The following KCNK9 variants were observed in gnomAD, a reference collection of about 807,000 sequenced individuals.
KCNK9 encodes the protein potassium channel subfamily K member 9.
A neutral mutation model predicts 10.8 loss-of-function variants in KCNK9; 1 was observed. The observed-to-expected ratio is 0.09, with a 90% CI of 0.03 to 0.44. The LOEUF is 0.44. Among genes scored for constraint, KCNK9 ranks in the 20% least tolerant of loss-of-function variants. The pLI, the probability that KCNK9 is intolerant of heterozygous loss-of-function variation, is 0.97. For missense variants in KCNK9, 303 were observed against 515.0 expected (o/e 0.59, Z 3.98); for synonymous variants, 231 against 222.7 (o/e 1.04, Z -0.33).
intron 1 of KCNK9, among the ~76,000 whole-genome samples, chr8:139,644,969 C>T (rs1400932514): frequency 6.6e-6 from 1 of 152,218 alleles, no homozygotes; most frequent in East Asian, 1.9e-4. Flanking sequence ...CATGGGCTAG[C>T]CAACCAAGCC....
At chr8:139,628,444 A>G (rs924577610) in intron 1 of KCNK9, among the ~76,000 whole-genome samples, 1 of 152,176 alleles carries the variant, frequency 6.6e-6, no homozygotes, top group East Asian at 1.9e-4. Flanking sequence ...GGAGAACTTG[A>G]GCCCCAGGCC....
At chr8:139,638,974 T>C (rs1815417789) in intron 1 of KCNK9, among the ~76,000 whole-genome samples, 1 of 152,036 alleles carries the variant, frequency 6.6e-6, no homozygotes, top group Non-Finnish European at 1.5e-5. Flanking sequence ...CTCCAACTGA[T>C]CCCCATTCTC....
chr8:139,642,722 C>T (rs757576929), intron 1 of KCNK9, among the ~76,000 whole-genome samples: 19 of 152,238 alleles, frequency 1.2e-4, no homozygotes, highest in Non-Finnish European at 2.8e-4. Flanking sequence ...GATGGGCCCT[C>T]CAGCCCCCAC....
chr8:139,699,890 G>C (rs1157659258), intron 1 of KCNK9, among the ~76,000 whole-genome samples: 1 of 152,188 alleles, frequency 6.6e-6, no homozygotes, highest in Non-Finnish European at 1.5e-5. Flanking sequence ...CCCAGCCTTG[G>C]AGATTTGGGC....
chr8:139,641,989 G>GC (rs1815520155), intron 1 of KCNK9, among the ~76,000 whole-genome samples: 1 of 152,204 alleles, frequency 6.6e-6, no homozygotes, highest in Non-Finnish European at 1.5e-5. Flanking sequence ...AGGAAGAGGA[G>GC]CCAGCCAGCC....
chr8:139,688,957 A>C (rs1289909623), intron 1 of KCNK9, among the ~76,000 whole-genome samples: 2 of 151,958 alleles, frequency 1.3e-5, no homozygotes, highest in Admixed American at 6.6e-5. Context: ...AACCCCCAGG[A>C]CCTCTGGATG....
chr8:139,627,694 C>A (rs146092212), intron 1 of KCNK9, among the ~76,000 whole-genome samples: 2 of 152,252 alleles, frequency 1.3e-5, no homozygotes, highest in Non-Finnish European at 2.9e-5. Flanking sequence ...TAACACCCAA[C>A]CTGGAGTATA....
chr8:139,678,361 T>A (rs894252523), intron 1 of KCNK9, among the ~76,000 whole-genome samples: 3 of 152,138 alleles, frequency 2.0e-5, no homozygotes, highest in Non-Finnish European at 4.4e-5. Flanking sequence ...AGCCCTGAGG[T>A]CACTGTCCCT....
At chr8:139,701,407 G>A (rs1464225916) in intron 1 of KCNK9, among the ~76,000 whole-genome samples, 3 of 152,292 alleles carry the variant, frequency 2.0e-5, no homozygotes, top group East Asian at 3.9e-4. Context: ...CTGTGCTGGC[G>A]CTTCCTGTTG....
At chr8:139,651,889 C>T (rs1168425409) in intron 1 of KCNK9, among the ~76,000 whole-genome samples, 1 of 152,128 alleles carries the variant, frequency 6.6e-6, no homozygotes, top group East Asian at 1.9e-4. Context: ...GTCAGTATCT[C>T]CAGATCTGGA....
In KCNK9 at chr8:139,702,326, T is replaced by A. The variant is rs761975026; in HGVS notation, c.283+384A>T. ...CTCCAACTCCCAGAGAGGTAGTAAG[T>A]GTAAGGCTCAGAGCCCCGCGCAGCC... On this transcript the variant is annotated intron_variant, in intron 1 of 1. Transcript: ENST00000520439. The surrounding 1 kb of genome is among the most constrained non-coding windows in gnomAD (Gnocchi z 7.5). 6.6e-6 allele frequency among the ~76,000 whole-genome samples: 1 copy of A among 152,036 alleles called. No individual in the cohort carries two copies. The highest frequency in any genetic ancestry group is 1.5e-5 in the Non-Finnish European group (1 of 67,986).
At chr8:139,649,965 G>A (rs1055565964) in intron 1 of KCNK9, among the ~76,000 whole-genome samples, 11 of 152,206 alleles carry the variant, frequency 7.2e-5, no homozygotes, top group South Asian at 6.2e-4. Flanking sequence ...AAGGGAAGAC[G>A]CTTCTGTGTC....
intron 1 of KCNK9, among the ~76,000 whole-genome samples, chr8:139,668,578 C>T (rs758524968): frequency 6.6e-6 from 1 of 152,180 alleles, no homozygotes; most frequent in Middle Eastern, 3.4e-3. Context: ...TGCGCCACCA[C>T]GTCCAGCTAA....
At chr8:139,647,657 C>T (rs961683993) in intron 1 of KCNK9, among the ~76,000 whole-genome samples, 1 of 152,142 alleles carries the variant, frequency 6.6e-6, no homozygotes, top group Non-Finnish European at 1.5e-5. Flanking sequence ...AAGGAGGTGG[C>T]GGTGATGGCA....
downstream of KCNK9, among the ~76,000 whole-genome samples, chr8:139,614,178 A>G (rs187040783): frequency 2.2e-3 from 329 of 152,170 alleles, 2 homozygotes; most frequent in African/African-American, 7.7e-3. Context: ...GCTTCCAGAT[A>G]TGGATGAGGC....
intron 1 of KCNK9, among the ~76,000 whole-genome samples, chr8:139,650,875 C>T (rs545612085): frequency 6.6e-6 from 1 of 152,314 alleles, no homozygotes; most frequent in Non-Finnish European, 1.5e-5. Flanking sequence ...AGGCCACCAG[C>T]CCCTTGACAC....
chr8:139,611,075 C>A (rs929662722), downstream of KCNK9, among the ~76,000 whole-genome samples: 2 of 152,262 alleles, frequency 1.3e-5, no homozygotes, highest in African/African-American at 4.8e-5. Context: ...CTCAACCAGA[C>A]TTGATCACTT....
At chr8:139,640,337 G>A (rs952346338) in intron 1 of KCNK9, among the ~76,000 whole-genome samples, 1 of 152,162 alleles carries the variant, frequency 6.6e-6, no homozygotes, top group African/African-American at 2.4e-5. Flanking sequence ...TACCTCCTGA[G>A]CCCCTGACGC....
intron 1 of KCNK9, among the ~76,000 whole-genome samples, chr8:139,654,348 A>G (rs1412708108): frequency 6.6e-6 from 1 of 152,188 alleles, no homozygotes; most frequent in African/African-American, 2.4e-5. Context: ...AGAGCTGCTG[A>G]ACAGGACGCT....
Sources: gnomAD v4.1 joint callset for allele counts (sites outside exome capture counted in the v4.1 genomes callset) on GRCh38, gnomAD v4.1.1 for gene constraint, Gnocchi (gnomAD v3.1) non-coding constraint, MANE v1.5 for transcripts, NCBI Gene and HGNC (gene_info 2026-07-23, HGNC 2026-07-21) for gene names.